Variants in DNM3 observed in about 807,000 individuals in gnomAD.
DNM3 encodes dynamin 3, also known as dynamin-3.
DNM3 carries 47 observed loss-of-function variants against 101.6 expected under a neutral mutation model. The observed-to-expected ratio is 0.46, with a 90% CI of 0.37 to 0.59. DNM3 has a LOEUF of 0.59. Ranked by LOEUF, DNM3 falls within the 20% of genes least tolerant of loss-of-function variation. The pLI, the probability that DNM3 is intolerant of heterozygous loss-of-function variation, is 0.00. For missense variants in DNM3, 849 were observed against 1,085.7 expected (o/e 0.78, Z 3.06); for synonymous variants, 385 against 387.9 (o/e 0.99, Z 0.09).
chr1:172,307,461 T>C (rs1448701159), intron 15 of DNM3, among the ~76,000 whole-genome samples: 2 of 152,346 alleles, frequency 1.3e-5, no homozygotes, highest in Admixed American at 1.3e-4. Flanking sequence ...TGGAAGACAG[T>C]GTGGTGATTC....
chr1:172,260,616 T>G (rs1413993019), intron 15 of DNM3, among the ~76,000 whole-genome samples: 1 of 152,124 alleles, frequency 6.6e-6, no homozygotes. Flanking sequence ...GTTGAAGGTT[T>G]TGAATGTATT....
At chr1:172,335,174 T>C (rs977839562) in intron 17 of DNM3, among the ~76,000 whole-genome samples, 16 of 152,196 alleles carry the variant, frequency 1.1e-4, no homozygotes, top group African/African-American at 3.9e-4. Context: ...CAATCAAGAT[T>C]TTTTTAAAGT....
At chr1:172,009,996 G>C (rs1030826616) in intron 4 of DNM3, among the ~76,000 whole-genome samples, 1 of 151,486 alleles carries the variant, frequency 6.6e-6, no homozygotes, top group African/African-American at 2.4e-5. Flanking sequence ...GTTAACTTTT[G>C]CTTAGGTGCT....
intron 14 of DNM3, among the ~76,000 whole-genome samples, chr1:172,157,623 T>C (rs1476544013): frequency 6.6e-6 from 1 of 152,096 alleles, no homozygotes; most frequent in African/African-American, 2.4e-5. Context: ...ATTGGGTCTG[T>C]ACTGAACATG....
intron 13 of DNM3, chr1:172,093,654 C>A: frequency 6.4e-7 from 1 of 1,571,202 alleles, no homozygotes; most frequent in Non-Finnish European, 8.6e-7. Flanking sequence ...ATTTTAAAAA[C>A]TTTTTTTCTG....
At chr1:172,033,343 A>G (rs1333285948) in intron 6 of DNM3, 78 bp downstream of exon 6, 15 of 1,430,612 alleles carry the variant, frequency 1.0e-5, no homozygotes, top group African/African-American at 5.8e-5. Flanking sequence ...TATTATTTTT[A>G]AGTTTATTTT....
intron 16 of DNM3, among the ~76,000 whole-genome samples, chr1:172,312,795 C>T (rs184594528): frequency 1.3e-5 from 2 of 152,242 alleles, no homozygotes; most frequent in Admixed American, 1.3e-4. Flanking sequence ...CAAATAAATG[C>T]TCTACAATAT....
At chr1:171,988,809 C>A in intron 3 of DNM3, 136 bp from the exon 4 acceptor site, 1 of 646,666 alleles carries the variant, frequency 1.5e-6, no homozygotes, top group Non-Finnish European at 2.5e-6. Flanking sequence ...TTATTTTATG[C>A]TCTTTATTCT....
At chr1:172,192,513 C>G (rs1380685832) in intron 14 of DNM3, among the ~76,000 whole-genome samples, 2 of 142,112 alleles carry the variant, frequency 1.4e-5, no homozygotes, top group East Asian at 4.3e-4. Context: ...TCTCCCAATG[C>G]TATCCCTCCC....
At chr1:172,227,265 T>C (rs2061159774) in intron 14 of DNM3, among the ~76,000 whole-genome samples, 1 of 109,850 alleles carries the variant, frequency 9.1e-6, no homozygotes, top group Non-Finnish European at 1.9e-5. Context: ...CTGGATAGTA[T>C]TTTGTGATAT....
chr1:172,320,836 C>T (rs1280942773), intron 16 of DNM3, among the ~76,000 whole-genome samples: 1 of 152,124 alleles, frequency 6.6e-6, no homozygotes, highest in African/African-American at 2.4e-5. Context: ...CTCTCAGATG[C>T]GCGCCTACTG....
intron 14 of DNM3, among the ~76,000 whole-genome samples, chr1:172,146,811 T>C (rs2057923651): frequency 6.6e-6 from 1 of 152,128 alleles, no homozygotes; most frequent in Admixed American, 6.6e-5. Context: ...CCATAAGACA[T>C]GCCTTGGAAA....
chr1:172,151,611 C>G (rs2058130675), intron 14 of DNM3, among the ~76,000 whole-genome samples: 1 of 152,070 alleles, frequency 6.6e-6, no homozygotes, highest in Non-Finnish European at 1.5e-5. Flanking sequence ...GAAATAATGT[C>G]TTGTTTTGCT....
At chr1:172,406,510 C>T (rs974094745) in intron 20 of DNM3, among the ~76,000 whole-genome samples, 2 of 151,982 alleles carry the variant, frequency 1.3e-5, no homozygotes, top group Non-Finnish European at 2.9e-5. Flanking sequence ...CCTTTGAAGC[C>T]TCTTACACAT....
At chr1:172,012,214 T>A (rs1419765485) in intron 4 of DNM3, among the ~76,000 whole-genome samples, 1 of 152,026 alleles carries the variant, frequency 6.6e-6, no homozygotes, top group African/African-American at 2.4e-5. Context: ...TTTGCAGAGA[T>A]CCAGAATCCT....
At chr1:171,884,272 T>C (rs1008991736) in intron 1 of DNM3, among the ~76,000 whole-genome samples, 1 of 152,228 alleles carries the variant, frequency 6.6e-6, no homozygotes, top group African/African-American at 2.4e-5. Context: ...GTCTGTTGCC[T>C]CCTGAAGTGG....
At chr1:172,135,489 T>C (rs1572661709) in intron 14 of DNM3, among the ~76,000 whole-genome samples, 1 of 152,206 alleles carries the variant, frequency 6.6e-6, no homozygotes, top group East Asian at 1.9e-4. Context: ...GGTTAGTGTT[T>C]TTTTGTTTTT....
intron 2 of DNM3, among the ~76,000 whole-genome samples, chr1:171,969,521 C>T (rs1006139370): frequency 8.5e-5 from 13 of 152,178 alleles, no homozygotes; most frequent in Admixed American, 7.2e-4. Flanking sequence ...GATGAGAAGT[C>T]TGTCTGGACA....
At chr1:172,304,218 A>AAAAAAAAAAAAAAAAC (rs1182798546) in intron 15 of DNM3, among the ~76,000 whole-genome samples, 6 of 135,100 alleles carry the variant, frequency 4.4e-5, no homozygotes, top group African/African-American at 2.0e-4. Context: ...AAAAAAAAAA[A>AAAAAAAAAAAAAAAAC]AAAACAGGAG....
Sources: gnomAD v4.1 joint callset for allele counts (sites outside exome capture counted in the v4.1 genomes callset) on GRCh38, gnomAD v4.1.1 for gene constraint, MANE v1.5 for transcripts, NCBI Gene and HGNC (gene_info 2026-07-23, HGNC 2026-07-21) for gene names.